The following ATOSA variants were observed in gnomAD, a reference collection of about 807,000 sequenced individuals.
ATOSA encodes the protein atos homolog A.
the ATOSA span, chr15:52,678,600 C>A: frequency 6.5e-6 from 1 of 153,656 alleles, no homozygotes; most frequent in Non-Finnish European, 1.4e-5. Context: ...GCTAGCCTTC[C>A]TGCGGCAACC....
At chr15:52,593,828 CAG>C in the ATOSA span, 195 of 1,234,908 alleles carry the variant, frequency 1.6e-4, 1 homozygote, top group African/African-American at 2.1e-3. Flanking sequence ...AGTCTAAAGG[CAG>C]AGAAGTGATT....
At chr15:52,700,420 G>A in the ATOSA span, among the ~76,000 whole-genome samples, 3 of 152,014 alleles carry the variant, frequency 2.0e-5, no homozygotes, top group Non-Finnish European at 4.4e-5. Flanking sequence ...CCTCCCCTGT[G>A]AAAAATGTTG....
At chr15:52,704,259 G>A in the ATOSA span, among the ~76,000 whole-genome samples, 1 of 152,114 alleles carries the variant, frequency 6.6e-6, no homozygotes, top group Non-Finnish European at 1.5e-5. Flanking sequence ...TTGGGGAGAG[G>A]ATTCCTTATT....
At chr15:52,634,111 TA>T in the ATOSA span, among the ~76,000 whole-genome samples, 15 of 151,646 alleles carry the variant, frequency 9.9e-5, no homozygotes, top group African/African-American at 2.2e-4. Flanking sequence ...AAATAGAATT[TA>T]AAAAAAATCT....
the ATOSA span, chr15:52,657,285 A>C: frequency 6.6e-6 from 1 of 152,230 alleles, no homozygotes; most frequent in Non-Finnish European, 1.5e-5. Flanking sequence ...GAATGTTAAC[A>C]GAAATCTGGT....
the ATOSA span, chr15:52,609,775 T>C: frequency 1.2e-6 from 2 of 1,613,468 alleles, no homozygotes; most frequent in African/African-American, 1.3e-5. Context: ...ATGAATCAAA[T>C]GTTGGGCAAT....
the ATOSA span, among the ~76,000 whole-genome samples, chr15:52,639,282 A>C: frequency 2.0e-5 from 3 of 152,298 alleles, no homozygotes; most frequent in Non-Finnish European, 2.9e-5. Context: ...AGCAAAAAAA[A>C]CTGTTAAGTG....
the ATOSA span, among the ~76,000 whole-genome samples, chr15:52,676,428 TA>T: frequency 2.0e-5 from 3 of 152,084 alleles, no homozygotes; most frequent in Non-Finnish European, 4.4e-5. Flanking sequence ...TTGCGCACAG[TA>T]AGGGTAAGTA....
At chr15:52,682,129 A>G in the ATOSA span, among the ~76,000 whole-genome samples, 1 of 152,114 alleles carries the variant, frequency 6.6e-6, no homozygotes, top group African/African-American at 2.4e-5. Flanking sequence ...TTTTCTCCCT[A>G]GTGGGATAAA....
At chr15:52,693,099 G>A in the ATOSA span, among the ~76,000 whole-genome samples, 1 of 152,146 alleles carries the variant, frequency 6.6e-6, no homozygotes. Context: ...AACAGGAAAA[G>A]AGACATACAA....
At chr15:52,597,350 T>G in the ATOSA span, among the ~76,000 whole-genome samples, 1 of 152,224 alleles carries the variant, frequency 6.6e-6, no homozygotes, top group Non-Finnish European at 1.5e-5. Context: ...GCTTTATTTT[T>G]AATAACCCCG....
chr15:52,611,022 T>TAA, the ATOSA span: 1 of 1,288,040 alleles, frequency 7.8e-7, no homozygotes, highest in Non-Finnish European at 1.0e-6. Flanking sequence ...TTTATCCACT[T>TAA]ACATTTAGAA....
chr15:52,708,444 T>C, the ATOSA span, among the ~76,000 whole-genome samples: 3 of 152,160 alleles, frequency 2.0e-5, no homozygotes, highest in Non-Finnish European at 4.4e-5. Flanking sequence ...TTTATGAAGA[T>C]GCATTTGCTT....
chr15:52,671,537 C>T, the ATOSA span, among the ~76,000 whole-genome samples: 5 of 152,000 alleles, frequency 3.3e-5, no homozygotes, highest in Non-Finnish European at 5.9e-5. Flanking sequence ...ACAAGGTTTC[C>T]GGACTCACAA....
At chr15:52,606,026 A>C in the ATOSA span, among the ~76,000 whole-genome samples, 1 of 152,066 alleles carries the variant, frequency 6.6e-6, no homozygotes, top group Non-Finnish European at 1.5e-5. Context: ...TCTCTCTTTC[A>C]AAGTATCTTA....
chr15:52,678,254 C>G, the ATOSA span: 4 of 610,244 alleles, frequency 6.6e-6, no homozygotes, highest in Non-Finnish European at 1.2e-5. Flanking sequence ...CTGAAAAAAG[C>G]AAAACTCTCT....
the ATOSA span, among the ~76,000 whole-genome samples, chr15:52,599,211 C>CA: frequency 6.6e-6 from 1 of 152,140 alleles, no homozygotes; most frequent in Non-Finnish European, 1.5e-5. Context: ...GTACATGTCT[C>CA]AAAAGGAGCA....
chr15:52,690,427 T>C, the ATOSA span, among the ~76,000 whole-genome samples: 1 of 152,244 alleles, frequency 6.6e-6, no homozygotes, highest in Non-Finnish European at 1.5e-5. Context: ...ATATTCATGG[T>C]TTCCGAATAT....
the ATOSA span, among the ~76,000 whole-genome samples, chr15:52,685,872 A>G: frequency 6.6e-6 from 1 of 152,060 alleles, no homozygotes; most frequent in South Asian, 2.1e-4. Context: ...CATCACCACC[A>G]TGCCCCGCTA....
Sources: allele counts gnomAD v4.1 joint callset (sites outside exome capture counted in the v4.1 genomes callset), GRCh38; gene constraint gnomAD v4.1.1; transcripts MANE v1.5; gene names NCBI Gene and HGNC (gene_info 2026-07-23, HGNC 2026-07-21).